The following SPIDR variants were observed in gnomAD, a reference collection of about 807,000 sequenced individuals.
The protein encoded by SPIDR is scaffold protein involved in DNA repair.
A neutral mutation model predicts 104.6 loss-of-function variants in SPIDR; 93 were observed. The observed-to-expected ratio is 0.89, with a 90% CI of 0.75 to 1.06. The LOEUF (loss-of-function observed/expected upper bound fraction) is 1.06, where lower values mean the gene tolerates loss of function less well. Ranked by LOEUF, SPIDR falls within the 50% of genes least tolerant of loss-of-function variation. The pLI, the probability that SPIDR is intolerant of heterozygous loss-of-function variation, is 0.00. For missense variants in SPIDR, 1,154 were observed against 1,111.2 expected, an observed-to-expected ratio of 1.04 and a Z score of -0.55; for synonymous variants, 431 against 416.9, an observed-to-expected ratio of 1.03 and a Z score of -0.41.
intron 8 of SPIDR, among the ~76,000 whole-genome samples, chr8:47,454,957 T>C (rs1424797546): frequency 6.6e-6 from 1 of 152,078 alleles, no homozygotes; most frequent in Non-Finnish European, 1.5e-5. Flanking sequence ...CCTAAGTAGT[T>C]CATTACTGAT....
chr8:47,480,429 C>G (rs184068251), intron 8 of SPIDR, among the ~76,000 whole-genome samples: 1 of 152,270 alleles, frequency 6.6e-6, no homozygotes, highest in East Asian at 1.9e-4. Flanking sequence ...GGTCCTAAAT[C>G]CCTGAAAGTA....
At chr8:47,282,768 G>A (rs1237909324) in intron 2 of SPIDR, among the ~76,000 whole-genome samples, 4 of 152,188 alleles carry the variant, frequency 2.6e-5, no homozygotes, top group South Asian at 2.1e-4. Context: ...CTGGCTTAAC[G>A]GTTTGGCTCA....
intron 8 of SPIDR, among the ~76,000 whole-genome samples, chr8:47,568,198 T>TTG (rs201859886): frequency 0.012 from 1,857 of 152,288 alleles, 38 homozygotes; most frequent in African/African-American, 0.043. Context: ...TCTACCTTGT[T>TTG]TGTGTCCTGG....
chr8:47,556,057 A>T (rs2091286712), intron 8 of SPIDR, among the ~76,000 whole-genome samples: 1 of 152,150 alleles, frequency 6.6e-6, no homozygotes, highest in South Asian at 2.1e-4. Flanking sequence ...CCAATTTCTG[A>T]TGCTCCCTGA....
intron 10 of SPIDR, among the ~76,000 whole-genome samples, chr8:47,637,992 A>G (rs2068226385): frequency 6.6e-6 from 1 of 151,736 alleles, no homozygotes; most frequent in Admixed American, 6.6e-5. Flanking sequence ...GTACATATTT[A>G]TTTTACACTT....
chr8:47,390,912 A>G (rs1178045682), intron 5 of SPIDR, among the ~76,000 whole-genome samples: 2 of 152,190 alleles, frequency 1.3e-5, no homozygotes, highest in Non-Finnish European at 2.9e-5. Flanking sequence ...GAAAGGAAAT[A>G]TAAGCTTGAA....
intron 4 of SPIDR, among the ~76,000 whole-genome samples, chr8:47,292,572 A>G (rs989731681): frequency 1.3e-5 from 2 of 152,174 alleles, no homozygotes; most frequent in Non-Finnish European, 2.9e-5. Flanking sequence ...GTTTTTACCA[A>G]TTGTCTAAAA....
At chr8:47,666,671 AACTG>A (rs1764557139) in intron 10 of SPIDR, among the ~76,000 whole-genome samples, 2 of 152,218 alleles carry the variant, frequency 1.3e-5, no homozygotes, top group Non-Finnish European at 2.9e-5. Context: ...ATCTGGCACT[AACTG>A]ACTGCTGTCA....
chr8:47,562,524 CAA>C, intron 8 of SPIDR, among the ~76,000 whole-genome samples: 1 of 152,270 alleles, frequency 6.6e-6, no homozygotes, highest in African/African-American at 2.4e-5. Context: ...CTGGTAGGAC[CAA>C]ACACACAGGG....
intron 5 of SPIDR, among the ~76,000 whole-genome samples, chr8:47,313,072 A>T (rs1162736075): frequency 3.9e-5 from 6 of 152,176 alleles, no homozygotes; most frequent in Non-Finnish European, 7.3e-5. Flanking sequence ...GCAGTCAGGC[A>T]GGAGAAGGAA....
At chr8:47,556,263 A>AT (rs1391350401) in intron 8 of SPIDR, among the ~76,000 whole-genome samples, 2 of 152,256 alleles carry the variant, frequency 1.3e-5, no homozygotes, top group Non-Finnish European at 2.9e-5. Context: ...TGGATGTGCA[A>AT]TTTTTGTTCA....
chr8:47,686,877 GTAAC>G (rs1427714138), intron 11 of SPIDR, among the ~76,000 whole-genome samples: 1 of 151,348 alleles, frequency 6.6e-6, no homozygotes, highest in Non-Finnish European at 1.5e-5. Context: ...ATTGTCTTGA[GTAAC>G]TAGGAGTATT....
At chr8:47,531,361 G>A (rs2085962679) in intron 8 of SPIDR, among the ~76,000 whole-genome samples, 1 of 152,258 alleles carries the variant, frequency 6.6e-6, no homozygotes, top group African/African-American at 2.4e-5. Context: ...CATTTCCCAT[G>A]ACAACAATGC....
chr8:47,453,498 G>A (rs2072300164), intron 8 of SPIDR, among the ~76,000 whole-genome samples: 1 of 152,100 alleles, frequency 6.6e-6, no homozygotes, highest in Admixed American at 6.5e-5. Flanking sequence ...AAAACACCAT[G>A]GTACTGGTAC....
chr8:47,723,650 C>T (rs1287336428), intron 16 of SPIDR, among the ~76,000 whole-genome samples: 8 of 152,156 alleles, frequency 5.3e-5, no homozygotes, highest in African/African-American at 1.4e-4. Flanking sequence ...AGGATGGTCT[C>T]GATCTCCTGA....
intron 7 of SPIDR, among the ~76,000 whole-genome samples, chr8:47,418,318 C>G (rs921729676): frequency 6.6e-6 from 1 of 152,128 alleles, no homozygotes; most frequent in Admixed American, 6.5e-5. Flanking sequence ...GTTTGTAGTT[C>G]TCCTTGAAGA....
chr8:47,310,753 A>C (rs587725991), intron 5 of SPIDR, among the ~76,000 whole-genome samples: 1 of 152,224 alleles, frequency 6.6e-6, no homozygotes, highest in Non-Finnish European at 1.5e-5. Flanking sequence ...AATTCTGCAT[A>C]AAAGTCTTAG....
chr8:47,662,149 C>T (rs2074220383), intron 10 of SPIDR, among the ~76,000 whole-genome samples: 1 of 152,192 alleles, frequency 6.6e-6, no homozygotes, highest in Non-Finnish European at 1.5e-5. Flanking sequence ...TGCTCTCCAG[C>T]CTCTGCCTTG....
intron 7 of SPIDR, among the ~76,000 whole-genome samples, chr8:47,420,164 T>A (rs1252885175): frequency 1.3e-5 from 2 of 152,322 alleles, no homozygotes; most frequent in East Asian, 3.9e-4. Flanking sequence ...AATTCCTGGG[T>A]ATCCTTGTTA....
Sources: allele counts gnomAD v4.1 joint callset (sites outside exome capture counted in the v4.1 genomes callset), GRCh38; gene constraint gnomAD v4.1.1; transcripts MANE v1.5; gene names NCBI Gene and HGNC (gene_info 2026-07-23, HGNC 2026-07-21).